Variants in ATP6V0E1 observed in about 807,000 individuals in gnomAD.
ATP6V0E1 encodes V-type proton ATPase subunit e 1.
A neutral mutation model predicts 11.6 loss-of-function variants in ATP6V0E1; 4 were observed. That is an observed-to-expected ratio of 0.35 (90% CI 0.17 to 0.79). The LOEUF is 0.79. Ranked by LOEUF, ATP6V0E1 falls within the 30% of genes least tolerant of loss-of-function variation. ATP6V0E1 has a pLI of 0.54. For missense variants in ATP6V0E1, 105 were observed against 100.0 expected (o/e 1.05, Z -0.21); for synonymous variants, 36 against 34.8 (o/e 1.04, Z -0.13).
chr5:173,029,868 C>T (rs1050178364), intron 3 of ATP6V0E1, among the ~76,000 whole-genome samples: 12 of 152,164 alleles, frequency 7.9e-5, no homozygotes, highest in African/African-American at 2.9e-4. Flanking sequence ...GGCCTTCCCT[C>T]CCCAGTCTGC....
At chr5:173,008,017 T>C (rs1756255108) in intron 2 of ATP6V0E1, among the ~76,000 whole-genome samples, 1 of 152,228 alleles carries the variant, frequency 6.6e-6, no homozygotes, top group African/African-American at 2.4e-5. Context: ...TACCACGTTC[T>C]GGCCTCGAGC....
intron 3 of ATP6V0E1, among the ~76,000 whole-genome samples, chr5:173,021,467 G>T (rs1756483878): frequency 6.6e-6 from 1 of 152,130 alleles, no homozygotes; most frequent in Non-Finnish European, 1.5e-5. Flanking sequence ...GATCTCGTGA[G>T]ACTTATTCAC....
chr5:173,002,107 CA>C (rs1756166017), intron 2 of ATP6V0E1, among the ~76,000 whole-genome samples: 2 of 152,328 alleles, frequency 1.3e-5, no homozygotes, highest in South Asian at 4.1e-4. Context: ...GTTTTATCCC[CA>C]CACTTTTCCT....
At chr5:173,007,253 G>C (rs1756243524) in intron 2 of ATP6V0E1, among the ~76,000 whole-genome samples, 1 of 152,168 alleles carries the variant, frequency 6.6e-6, no homozygotes. Flanking sequence ...GGGATTACAA[G>C]CATGAGCCAC....
chr5:173,012,707 T>C (rs917238434), intron 2 of ATP6V0E1, among the ~76,000 whole-genome samples: 3 of 149,436 alleles, frequency 2.0e-5, no homozygotes, highest in Admixed American at 2.0e-4. Context: ...TGAGCTGAGA[T>C]CGCGTGCCAT....
chr5:173,034,273 T>C lies in ATP6V0E1; in HGVS notation c.*37-126T>C, dbSNP rs895926086. ...AACTTGCACCAAGTTGATTATCCTG[T>C]GTTTCATATTTTGTTGAGCATCTGT... On this transcript the variant is annotated intron_variant, in intron 3 of 3. Transcript: ENST00000519374. 36 of 671,168 alleles carry C rather than the reference T, an allele frequency of 5.4e-5. No homozygotes were observed. In the African/African-American group the frequency reaches 6.4e-4, roughly 12 times the overall value. 41.6% of individuals were successfully genotyped at this position (671,168 alleles called of 1,614,324 possible).
intron 3 of ATP6V0E1, among the ~76,000 whole-genome samples, chr5:173,024,608 G>A (rs913366753): frequency 6.6e-6 from 1 of 152,002 alleles, no homozygotes; most frequent in Non-Finnish European, 1.5e-5. Flanking sequence ...CAGTTCTCAG[G>A]CCCATTTGAC....
chr5:172,993,388 A>G (rs1756013478), intron 1 of ATP6V0E1, among the ~76,000 whole-genome samples: 1 of 133,588 alleles, frequency 7.5e-6, no homozygotes, highest in African/African-American at 2.9e-5. Context: ...GCATGCCCAT[A>G]ATCTCAGCTA....
In ATP6V0E1 at chr5:173,002,956, C is replaced by T. The variant is rs147524276; in HGVS notation, c.152+8134C>T. Among the ~76,000 whole-genome samples, 131 of 151,686 alleles carry T rather than the reference C, an allele frequency of 8.6e-4. 1 individual carries two copies. The highest frequency in any genetic ancestry group is 3.0e-3 in the African/African-American group (124 of 41,342). ...GTCCCAGCTACTTGGGAGGCTAAAG[C>T]AGAAGGATCGCTTGGGCTCAGGAGT... On this transcript the variant is annotated intron_variant, in intron 2 of 3. Transcript: ENST00000519374.
intron 2 of ATP6V0E1, among the ~76,000 whole-genome samples, chr5:173,008,901 A>C (rs1218524007): frequency 1.9e-5 from 2 of 105,570 alleles, no homozygotes; most frequent in African/African-American, 4.1e-5. Flanking sequence ...ACAGAGCAAG[A>C]CTCTGTCTCA....
At chr5:172,997,981 T>C (rs1001334398) in intron 2 of ATP6V0E1, among the ~76,000 whole-genome samples, 1 of 151,980 alleles carries the variant, frequency 6.6e-6, no homozygotes, top group African/African-American at 2.4e-5. Context: ...TGGTGGCACA[T>C]GCCTGTCGTC....
At chr5:173,017,840 C>CA (rs538210275) in intron 2 of ATP6V0E1, among the ~76,000 whole-genome samples, 3,245 of 65,982 alleles carry the variant, frequency 0.049, 77 homozygotes, top group Middle Eastern at 0.098. Flanking sequence ...GACTCCTTCT[C>CA]AAAAAAAAAA....
At chr5:172,990,475 C>CT (rs1561767449) in intron 1 of ATP6V0E1, among the ~76,000 whole-genome samples, 1 of 151,890 alleles carries the variant, frequency 6.6e-6, no homozygotes, top group Admixed American at 6.6e-5. Flanking sequence ...CTCCATTTTT[C>CT]TTTTTTTGTG....
chr5:173,033,384 A>G (rs1250122517), intron 3 of ATP6V0E1, among the ~76,000 whole-genome samples: 1 of 152,146 alleles, frequency 6.6e-6, no homozygotes, highest in Non-Finnish European at 1.5e-5. Context: ...TCTGCCTGGT[A>G]CTGATACTTG....
intron 1 of ATP6V0E1, among the ~76,000 whole-genome samples, chr5:172,985,063 G>A (rs550881674): frequency 3.2e-4 from 48 of 152,170 alleles, no homozygotes; most frequent in Middle Eastern, 3.4e-3. Context: ...TGGCTAACAC[G>A]GTGAAACCCG....
chr5:173,021,219 A>G (rs921842777), intron 3 of ATP6V0E1, among the ~76,000 whole-genome samples: 1 of 152,004 alleles, frequency 6.6e-6, no homozygotes, highest in African/African-American at 2.4e-5. Flanking sequence ...TCTTGTGTGC[A>G]CTAACAACTA....
At chr5:173,021,562 A>C (rs1030921739) in intron 3 of ATP6V0E1, among the ~76,000 whole-genome samples, 1 of 152,086 alleles carries the variant, frequency 6.6e-6, no homozygotes, top group Non-Finnish European at 1.5e-5. Context: ...GAAATTATGG[A>C]AGCTACAATT....
intron 2 of ATP6V0E1, among the ~76,000 whole-genome samples, chr5:172,997,565 T>C (rs923734829): frequency 6.6e-6 from 1 of 152,070 alleles, no homozygotes; most frequent in African/African-American, 2.4e-5. Flanking sequence ...ATCCCAGCAC[T>C]TTGGGAGGCC....
At chr5:172,989,097 G>A (rs138397837) in intron 1 of ATP6V0E1, among the ~76,000 whole-genome samples, 104 of 152,284 alleles carry the variant, frequency 6.8e-4, no homozygotes, top group African/African-American at 2.4e-3. Flanking sequence ...ACTTTGGGAG[G>A]CTGAGGTGGG....
Sources: gnomAD v4.1 joint callset for allele counts (sites outside exome capture counted in the v4.1 genomes callset) on GRCh38, gnomAD v4.1.1 for gene constraint, MANE v1.5 for transcripts, NCBI Gene and HGNC (gene_info 2026-07-23, HGNC 2026-07-21) for gene names.